The following NIBAN1 variants were observed in gnomAD, a reference collection of about 807,000 sequenced individuals.
NIBAN1 encodes niban apoptosis regulator 1, also known as protein Niban 1.
NIBAN1 carries 81 observed loss-of-function variants against 75.1 expected under a neutral mutation model. The observed-to-expected ratio is 1.08, with a 90% CI of 0.90 to 1.30. The LOEUF (loss-of-function observed/expected upper bound fraction) is 1.30, where lower values mean the gene tolerates loss of function less well. NIBAN1 is among the 50% of genes most tolerant of loss of function. The pLI is 0.00. For synonymous variants in NIBAN1, 436 were observed against 424.8 expected, an observed-to-expected ratio of 1.03 and a Z score of -0.32; for missense variants, 1,133 against 1,128.1, an observed-to-expected ratio of 1.00 and a Z score of -0.06.
chr1:184,904,974 A>C (rs1033625341), intron 1 of NIBAN1, among the ~76,000 whole-genome samples: 1 of 152,016 alleles, frequency 6.6e-6, no homozygotes, highest in Admixed American at 6.6e-5. Context: ...TATCTACCCT[A>C]CTTCAGCATC....
At chr1:184,899,701 T>C (rs1377672966) in intron 1 of NIBAN1, among the ~76,000 whole-genome samples, 2 of 151,892 alleles carry the variant, frequency 1.3e-5, no homozygotes, top group African/African-American at 2.4e-5. Context: ...TCGCCCTCTC[T>C]CCACTTCTAC....
intron 1 of NIBAN1, among the ~76,000 whole-genome samples, chr1:184,934,594 T>A (rs193183805): frequency 7.9e-5 from 12 of 152,220 alleles, no homozygotes; most frequent in Admixed American, 6.5e-4. Context: ...TAAGACTCCA[T>A]CTCTACAAAA....
At chr1:184,960,079 GCAGA>G (rs1467699355) in intron 1 of NIBAN1, among the ~76,000 whole-genome samples, 1 of 152,082 alleles carries the variant, frequency 6.6e-6, no homozygotes, top group African/African-American at 2.4e-5. Context: ...TCTAAGCAAA[GCAGA>G]CAGAGGCTTA....
intron 9 of NIBAN1, among the ~76,000 whole-genome samples, chr1:184,811,983 C>T (rs972777835): frequency 2.0e-5 from 3 of 152,050 alleles, no homozygotes; most frequent in East Asian, 3.9e-4. Context: ...TCCTCCCTCC[C>T]GGAAAAGGGA....
At chr1:184,816,101 C>T (rs1654523966) in intron 9 of NIBAN1, among the ~76,000 whole-genome samples, 2 of 152,146 alleles carry the variant, frequency 1.3e-5, no homozygotes, top group African/African-American at 4.8e-5. Flanking sequence ...AATGAAAAGA[C>T]CACTTAGTCA....
intron 1 of NIBAN1, among the ~76,000 whole-genome samples, chr1:184,965,234 G>A (rs1361823614): frequency 6.6e-6 from 1 of 151,912 alleles, no homozygotes. Context: ...GGGAATTGGA[G>A]CTTGCAGTGA....
chr1:184,828,382 G>GA (rs952352238), intron 6 of NIBAN1, among the ~76,000 whole-genome samples: 4 of 152,150 alleles, frequency 2.6e-5, no homozygotes, highest in Non-Finnish European at 5.9e-5. Flanking sequence ...CAGACAGGAA[G>GA]AAAAAATGCA....
chr1:184,831,777 ATGACCC>A, intron 6 of NIBAN1, 64 bp downstream of exon 6: 3 of 1,075,382 alleles, frequency 2.8e-6, no homozygotes, highest in Non-Finnish European at 4.2e-6. Flanking sequence ...GTTTAATAAA[ATGACCC>A]TGACTTCGTA....
At chr1:184,880,806 A>T (rs1357311241) in intron 5 of NIBAN1, among the ~76,000 whole-genome samples, 1 of 152,160 alleles carries the variant, frequency 6.6e-6, no homozygotes, top group Non-Finnish European at 1.5e-5. Context: ...GGACAACAGG[A>T]CTGTCTCAGA....
chr1:184,940,716 A>G (rs180964127), intron 1 of NIBAN1, among the ~76,000 whole-genome samples: 2 of 152,346 alleles, frequency 1.3e-5, no homozygotes, highest in Admixed American at 6.5e-5. Context: ...ACTTGCATAA[A>G]AATTTTTTAA....
At chr1:184,955,000 A>G (rs542750440) in intron 1 of NIBAN1, among the ~76,000 whole-genome samples, 1 of 152,360 alleles carries the variant, frequency 6.6e-6, no homozygotes, top group South Asian at 2.1e-4. Context: ...TTGGTCTTCC[A>G]GTAGCCACAT....
chr1:184,810,932 C>G (rs1654359015), intron 9 of NIBAN1, among the ~76,000 whole-genome samples: 1 of 152,178 alleles, frequency 6.6e-6, no homozygotes, highest in South Asian at 2.1e-4. Flanking sequence ...CACAAGGTAC[C>G]TGCAGGTCCC....
At chr1:184,900,467 G>A (rs938786272) in intron 1 of NIBAN1, among the ~76,000 whole-genome samples, 17 of 152,162 alleles carry the variant, frequency 1.1e-4, no homozygotes, top group Non-Finnish European at 2.2e-4. Context: ...AGTACAGTAC[G>A]AAAGTCCAGC....
rs768149242 is a variant in NIBAN1, at chr1:184,795,469, T to G, written c.2295A>C (p.Glu765Asp). The G allele has an allele frequency of 7.4e-6, 12 of 1,610,966 alleles. No homozygotes were observed. Among genetic ancestry groups the G allele is most frequent in the African/African-American group, 1.3e-5 (1 of 74,648 alleles). Residue 765 changes from glutamate (E) to aspartate (D), a missense_variant, in exon 14 of 14, where the codon GAA becomes GAC. Coordinates refer to ENST00000367511, the MANE Select transcript of NIBAN1 (RefSeq NM_052966.4). ...GGGCCTCCCTCTCGCTGACTTCACT[T>G]TCTTCACAGTTGTCGGGGTGGATGG... ...AAAIHPDNCEESEVSEREAQP... is the reference protein window; with the variant it reads ...AAAIHPDNCEDSEVSEREAQP...
intron 1 of NIBAN1, among the ~76,000 whole-genome samples, chr1:184,973,031 T>G (rs991602432): frequency 6.6e-6 from 1 of 152,264 alleles, no homozygotes; most frequent in Non-Finnish European, 1.5e-5. Context: ...AACACAAGCA[T>G]GTAGCCACAT....
chr1:184,823,237 C>T lies in NIBAN1; in HGVS notation c.915G>A (p.Leu305=). 1.2e-6 allele frequency: 2 copies of T among 1,614,182 alleles called. No individual in the cohort carries two copies. The highest frequency in any genetic ancestry group is 1.7e-6 in the Non-Finnish European group (2 of 1,180,030). The part of the protein sequence containing the change: ...KEECRALTKG[L]EGTIRSDMDQ... ...CCATGTCAGAACGGATCGTTCCTTC[C>T]AGGCCCTTTGTCAGAGCTCTGCATT... The change falls in exon 8 of 14, where the codon CTG becomes CTA. Residue 305 remains leucine (L), a synonymous_variant. Transcript: ENST00000367511.
At chr1:184,971,851 G>A (rs889724819) in intron 1 of NIBAN1, among the ~76,000 whole-genome samples, 7 of 152,162 alleles carry the variant, frequency 4.6e-5, no homozygotes, top group Non-Finnish European at 1.5e-5. Flanking sequence ...AGAAACATGA[G>A]CATTGCCGTA....
intron 1 of NIBAN1, among the ~76,000 whole-genome samples, chr1:184,970,851 A>G (rs1658916963): frequency 6.6e-6 from 1 of 152,106 alleles, no homozygotes; most frequent in Non-Finnish European, 1.5e-5. Context: ...TTTCTTTTTG[A>G]TTCGTTAAAA....
At chr1:184,897,851 C>G (rs1217851442) in intron 2 of NIBAN1, among the ~76,000 whole-genome samples, 1 of 152,126 alleles carries the variant, frequency 6.6e-6, no homozygotes, top group South Asian at 2.1e-4. Flanking sequence ...CTATCATAAG[C>G]ACCTCTCCTC....
Sources: allele counts gnomAD v4.1 joint callset (sites outside exome capture counted in the v4.1 genomes callset), GRCh38; gene constraint gnomAD v4.1.1; transcripts MANE v1.5; gene names NCBI Gene and HGNC (gene_info 2026-07-23, HGNC 2026-07-21).